The following CSMD1 variants were observed in gnomAD, a reference collection of about 807,000 sequenced individuals.
The protein encoded by CSMD1 is CUB and Sushi multiple domains 1.
Under a neutral mutation model 417.5 loss-of-function variants are expected in CSMD1, and 213 were observed. That is an observed-to-expected ratio of 0.51 (90% CI 0.46 to 0.57). The LOEUF is 0.57. Among genes scored for constraint, CSMD1 ranks in the 20% least tolerant of loss-of-function variants. The pLI, the probability that CSMD1 is intolerant of heterozygous loss-of-function variation, is 0.00. For missense variants in CSMD1, 6,923 were observed against 4,529.7 expected (o/e 1.53, Z -15.17); for synonymous variants, 2,862 against 1,736.8 (o/e 1.65, Z -16.11).
intron 12 of CSMD1, among the ~76,000 whole-genome samples, chr8:3,430,074 C>T (rs1302056925): frequency 6.6e-6 from 1 of 152,090 alleles, no homozygotes; most frequent in African/African-American, 2.4e-5. Context: ...TATATATACA[C>T]ACATGCATAT....
intron 5 of CSMD1, among the ~76,000 whole-genome samples, chr8:3,781,750 G>C (rs1200179139): frequency 6.6e-6 from 1 of 152,138 alleles, no homozygotes; most frequent in African/African-American, 2.4e-5. Flanking sequence ...CTGACAATCT[G>C]ATAGAGACAA....
intron 7 of CSMD1, among the ~76,000 whole-genome samples, chr8:3,707,898 T>C (rs1801263890): frequency 6.6e-6 from 1 of 152,200 alleles, no homozygotes; most frequent in Non-Finnish European, 1.5e-5. Context: ...ATCTGGTATC[T>C]ACCAGGTCCT....
At chr8:4,064,749 G>C (rs916172680) in intron 3 of CSMD1, among the ~76,000 whole-genome samples, 1 of 152,136 alleles carries the variant, frequency 6.6e-6, no homozygotes, top group South Asian at 2.1e-4. Context: ...AGATCTCTCA[G>C]TACTGCTGTG....
chr8:4,526,321 C>T (rs559543477), intron 2 of CSMD1, among the ~76,000 whole-genome samples: 1 of 152,218 alleles, frequency 6.6e-6, no homozygotes, highest in African/African-American at 2.4e-5. Flanking sequence ...GTCAGAAATA[C>T]TTTTGCAAAA....
chr8:4,027,649 G>A (rs889572373), intron 4 of CSMD1, among the ~76,000 whole-genome samples: 3 of 152,078 alleles, frequency 2.0e-5, no homozygotes, highest in Admixed American at 2.0e-4. Context: ...CCCAGTCTCA[G>A]GTATTTCTTC....
chr8:3,152,022 C>T (rs1819227018), intron 39 of CSMD1, among the ~76,000 whole-genome samples: 1 of 152,192 alleles, frequency 6.6e-6, no homozygotes, highest in East Asian at 1.9e-4. Context: ...AGTGACATGC[C>T]TGGTAAACAG....
chr8:4,448,431 A>G (rs776922563), intron 2 of CSMD1, among the ~76,000 whole-genome samples: 1 of 152,218 alleles, frequency 6.6e-6, no homozygotes, highest in Non-Finnish European at 1.5e-5. Context: ...GCAGATTGGA[A>G]GACATTTTCA....
intron 6 of CSMD1, among the ~76,000 whole-genome samples, chr8:3,740,935 G>C (rs1015308746): frequency 3.0e-4 from 46 of 152,150 alleles, no homozygotes; most frequent in African/African-American, 1.1e-3. Flanking sequence ...GATAGAGGGG[G>C]CCAGGGGTAG....
chr8:4,105,388 G>A (rs1801516806), intron 3 of CSMD1, among the ~76,000 whole-genome samples: 1 of 151,880 alleles, frequency 6.6e-6, no homozygotes, highest in Admixed American at 6.6e-5. Context: ...TGAATAAGAA[G>A]GTGTTTATAG....
chr8:3,169,812 C>A (rs1820467489), intron 37 of CSMD1, among the ~76,000 whole-genome samples: 1 of 152,146 alleles, frequency 6.6e-6, no homozygotes, highest in African/African-American at 2.4e-5. Flanking sequence ...CAAGTACCCC[C>A]CACTTTCTTC....
intron 7 of CSMD1, among the ~76,000 whole-genome samples, chr8:3,653,059 G>C (rs897692253): frequency 1.3e-5 from 2 of 152,058 alleles, no homozygotes; most frequent in Non-Finnish European, 2.9e-5. Flanking sequence ...TCAGAAAACA[G>C]CACTCAGTAA....
chr8:3,950,044 C>T (rs904342028), intron 5 of CSMD1: 12 of 455,256 alleles, frequency 2.6e-5, no homozygotes, highest in African/African-American at 8.0e-5. Context: ...TTTGCTGTCA[C>T]GCTACAGACA....
At chr8:3,629,611 A>G (rs12674902) in intron 7 of CSMD1, among the ~76,000 whole-genome samples, 88,503 of 152,012 alleles carry the variant, frequency 0.58, 26,310 homozygotes, top group Middle Eastern at 0.76. Flanking sequence ...CCATGAGTCA[A>G]TCTCTATGAT....
chr8:3,557,026 G>C (rs569642767), intron 10 of CSMD1, among the ~76,000 whole-genome samples: 29 of 152,288 alleles, frequency 1.9e-4, no homozygotes, highest in African/African-American at 5.5e-4. Context: ...CACTTTGGTG[G>C]AAACTGCAGG....
Position 3,657,935 on chromosome 8 carries a change from G to C in CSMD1, c.1010-41138C>G, listed in dbSNP as rs1484652181. On this transcript the variant is annotated intron_variant, in intron 7 of 69. Coordinates refer to ENST00000635120, the MANE Select transcript of CSMD1 (RefSeq NM_033225.6). Reference sequence around the variant, plus strand: ...TTTTCTTTTTCCTTTTTCTGATGGGGAGGGACCTTACATCATTGTTGATTA... The same window carrying C: ...TTTTCTTTTTCCTTTTTCTGATGGGCAGGGACCTTACATCATTGTTGATTA... Among the ~76,000 whole-genome samples, 5 of 152,148 alleles carry C rather than the reference G, an allele frequency of 3.3e-5. No individual in the cohort carries two copies. The East Asian group carries it at 9.7e-4, about 29-fold the overall frequency.
intron 7 of CSMD1, among the ~76,000 whole-genome samples, chr8:3,644,523 T>A (rs1456936817): frequency 2.0e-5 from 3 of 151,978 alleles, no homozygotes; most frequent in Admixed American, 1.3e-4. Context: ...ATGGGGAAGA[T>A]GATGAAAGAG....
At chr8:4,024,847 C>T in intron 4 of CSMD1, among the ~76,000 whole-genome samples, 1 of 152,164 alleles carries the variant, frequency 6.6e-6, no homozygotes, top group East Asian at 1.9e-4. Flanking sequence ...TGCAATGCTG[C>T]TGAGAATTGT....
chr8:4,807,336 C>A (rs117981769), intron 1 of CSMD1, among the ~76,000 whole-genome samples: 1 of 152,196 alleles, frequency 6.6e-6, no homozygotes. Context: ...GGTGACAGCA[C>A]TGACTTAAAA....
intron 3 of CSMD1, among the ~76,000 whole-genome samples, chr8:4,234,288 G>T (rs1801916729): frequency 1.3e-5 from 2 of 152,244 alleles, no homozygotes; most frequent in African/African-American, 2.4e-5. Flanking sequence ...TGATCTATGG[G>T]ACCCATCCAT....
Sources: gnomAD v4.1 joint callset for allele counts (sites outside exome capture counted in the v4.1 genomes callset) on GRCh38, gnomAD v4.1.1 for gene constraint, MANE v1.5 for transcripts, NCBI Gene and HGNC (gene_info 2026-07-23, HGNC 2026-07-21) for gene names.